PCDHA9: variants seen among roughly 807,000 people sequenced by gnomAD.
PCDHA9 encodes the protein protocadherin alpha-9.
A neutral mutation model predicts 62.0 loss-of-function variants in PCDHA9; 62 were observed. That is an observed-to-expected ratio of 1.00 (90% CI 0.81 to 1.23). The LOEUF is 1.23. Among genes scored for constraint, PCDHA9 ranks in the 50% most tolerant of loss-of-function variants. PCDHA9 has a pLI of 0.00. For missense variants in PCDHA9, 1,205 were observed against 1,249.8 expected (o/e 0.96, Z 0.54); for synonymous variants, 557 against 567.6 (o/e 0.98, Z 0.27).
intron 2 of PCDHA9, among the ~76,000 whole-genome samples, chr5:140,981,956 T>C (rs2096959461): frequency 6.6e-6 from 1 of 152,184 alleles, no homozygotes; most frequent in Non-Finnish European, 1.5e-5. Flanking sequence ...GGGTCATCTA[T>C]GCATAAAAGA....
chr5:140,867,568 T>C (rs2050045240), intron 1 of PCDHA9: 1 of 152,150 alleles, frequency 6.6e-6, no homozygotes, highest in Non-Finnish European at 1.5e-5. Context: ...AACTTTTTCA[T>C]ATGCCCTTGC....
At chr5:140,896,583 G>A (rs557774521) in intron 1 of PCDHA9, among the ~76,000 whole-genome samples, 1 of 151,770 alleles carries the variant, frequency 6.6e-6, no homozygotes, top group South Asian at 2.1e-4. Context: ...TGACGTGTTG[G>A]CCAGGCTGGT....
At chr5:140,870,439 G>A (rs374343977) in intron 1 of PCDHA9, 5 of 1,614,126 alleles carry the variant, frequency 3.1e-6, no homozygotes, top group African/African-American at 2.7e-5. Flanking sequence ...GGAGGTGGCC[G>A]ACGTGAACGA....
At chr5:140,856,964 G>A in intron 1 of PCDHA9, 1 of 1,590,750 alleles carries the variant, frequency 6.3e-7, no homozygotes, top group Non-Finnish European at 8.6e-7. Flanking sequence ...AGTAAATGAT[G>A]CTATTGACTT....
chr5:140,904,170 A>T (rs2070892349), intron 1 of PCDHA9, among the ~76,000 whole-genome samples: 1 of 151,964 alleles, frequency 6.6e-6, no homozygotes. Context: ...GTAGTCTTTT[A>T]TTCCTCACCC....
intron 1 of PCDHA9, among the ~76,000 whole-genome samples, chr5:140,872,146 T>C (rs1554166047): frequency 6.6e-6 from 1 of 152,134 alleles, no homozygotes; most frequent in African/African-American, 2.4e-5. Context: ...ACTCCATTAG[T>C]ATGACATGAT....
chr5:140,856,877 A>G, intron 1 of PCDHA9: 1 of 1,595,914 alleles, frequency 6.3e-7, no homozygotes, highest in Non-Finnish European at 8.6e-7. Flanking sequence ...CAAGGAAATG[A>G]TGTATTCATT....
intron 1 of PCDHA9, among the ~76,000 whole-genome samples, chr5:140,933,534 ATAATGT>A (rs1401849089): frequency 6.6e-6 from 1 of 152,102 alleles, no homozygotes; most frequent in Non-Finnish European, 1.5e-5. Context: ...TAAACTCAAA[ATAATGT>A]TAATATAAAA....
At chr5:140,939,351 T>C (rs918440257) in intron 1 of PCDHA9, among the ~76,000 whole-genome samples, 2 of 152,140 alleles carry the variant, frequency 1.3e-5, no homozygotes, top group Non-Finnish European at 1.5e-5. Flanking sequence ...TTTCAACTTA[T>C]GATTGCAAAG....
intron 1 of PCDHA9, among the ~76,000 whole-genome samples, chr5:140,904,681 A>G (rs1562946233): frequency 6.6e-6 from 1 of 152,192 alleles, no homozygotes; most frequent in South Asian, 2.1e-4. Context: ...CATTCCCACC[A>G]GCAGTGTAAA....
intron 1 of PCDHA9, chr5:140,868,151 C>A (rs1421051830): frequency 6.6e-6 from 1 of 151,990 alleles, no homozygotes. Flanking sequence ...GATTCTGTTA[C>A]ATAAAGTGCT....
chr5:140,990,562 C>T (rs2097400496), intron 3 of PCDHA9, among the ~76,000 whole-genome samples: 1 of 152,210 alleles, frequency 6.6e-6, no homozygotes, highest in Non-Finnish European at 1.5e-5. Context: ...CAAGAACACA[C>T]ACCTGTTCGA....
chr5:140,993,939 T>C (rs1449633283), intron 3 of PCDHA9, among the ~76,000 whole-genome samples: 5 of 152,198 alleles, frequency 3.3e-5, no homozygotes, highest in Non-Finnish European at 7.3e-5. Context: ...ATATCCCCAT[T>C]GTTAAGTGAT....
chr5:141,004,871 C>T (rs2098186149), intron 3 of PCDHA9, among the ~76,000 whole-genome samples: 2 of 152,126 alleles, frequency 1.3e-5, no homozygotes, highest in South Asian at 4.1e-4. Context: ...TGTTTCTCAT[C>T]CCTAAAGTGC....
At chr5:140,941,048 T>C (rs1157859382) in intron 1 of PCDHA9, among the ~76,000 whole-genome samples, 1 of 152,138 alleles carries the variant, frequency 6.6e-6, no homozygotes, top group African/African-American at 2.4e-5. Context: ...CAAGTCAAAT[T>C]CCCCAGCAGT....
intron 1 of PCDHA9, chr5:140,876,084 A>G: frequency 6.2e-7 from 1 of 1,613,962 alleles, no homozygotes; most frequent in Non-Finnish European, 8.5e-7. Context: ...ACAGAGAGCA[A>G]ACGCCAAAAC....
chr5:140,927,077 G>A (rs568623488), intron 1 of PCDHA9: 1 of 1,610,844 alleles, frequency 6.2e-7, no homozygotes, highest in Non-Finnish European at 8.5e-7. Context: ...TCCAGCCACC[G>A]CGAGCTCTAC....
intron 1 of PCDHA9, among the ~76,000 whole-genome samples, chr5:140,892,079 G>A (rs985463495): frequency 2.0e-5 from 3 of 152,066 alleles, no homozygotes; most frequent in Admixed American, 6.6e-5. Context: ...ATAATTTCTA[G>A]TTTCCTCTCG....
chr5:140,889,259 G>C (rs371831027), intron 1 of PCDHA9, among the ~76,000 whole-genome samples: 37 of 151,916 alleles, frequency 2.4e-4, no homozygotes, highest in African/African-American at 6.7e-4. Context: ...TCCTGTAAAA[G>C]TTTGTATAAT....
Sources: gnomAD v4.1 joint callset for allele counts (sites outside exome capture counted in the v4.1 genomes callset) on GRCh38, gnomAD v4.1.1 for gene constraint, MANE v1.5 for transcripts, NCBI Gene and HGNC (gene_info 2026-07-23, HGNC 2026-07-21) for gene names.